Variants in PECR observed in about 807,000 individuals in gnomAD.
PECR encodes 2,4-dienoyl-CoA reductase-related protein.
In PECR, 30 loss-of-function variants were observed where a neutral mutation model predicts 35.3. The observed-to-expected ratio is 0.85, with a 90% CI of 0.64 to 1.15. The LOEUF (loss-of-function observed/expected upper bound fraction) is 1.15, where lower values mean the gene tolerates loss of function less well. Ranked by LOEUF, PECR falls within the 50% of genes most tolerant of loss-of-function variation. PECR has a pLI of 0.00. For missense variants in PECR, 392 were observed against 370.8 expected (o/e 1.06, Z -0.47); for synonymous variants, 148 against 138.9 (o/e 1.07, Z -0.46).
chr2:216,056,795 C>T (rs888545049), intron 4 of PECR, among the ~76,000 whole-genome samples: 3 of 150,710 alleles, frequency 2.0e-5, no homozygotes, highest in African/African-American at 7.3e-5. Flanking sequence ...GTTTGCTTCA[C>T]GAATTTTGTT....
At chr2:216,052,880 G>A (rs1695145069) in intron 4 of PECR, among the ~76,000 whole-genome samples, 1 of 152,098 alleles carries the variant, frequency 6.6e-6, no homozygotes, top group African/African-American at 2.4e-5. Context: ...TTCAGACAGA[G>A]TCTCGCTCTG....
At position 216,038,598 on chromosome 2, in the gene PECR, GTTGT is replaced by G. The variant is rs1031294481; in HGVS notation, c.*673_*676del. ...TTTCTACCTTTATAATTTTGTTGTT[GTTGT>G]TTGTTTTTGTTTTTTGGGTTTTTTT... is the stretch of plus-strand genomic sequence containing the variant. On this transcript the variant is annotated 3_prime_UTR_variant, in exon 8 of 8. Transcript: ENST00000265322. 6.6e-6 allele frequency: 1 copy of G among 151,854 alleles called. No homozygotes were observed. The highest frequency in any genetic ancestry group is 2.4e-5 in the African/African-American group (1 of 41,332). 9.4% of individuals were successfully genotyped at this position (151,854 alleles called of 1,614,324 possible).
chr2:216,070,348 A>G (rs887319459), intron 1 of PECR, among the ~76,000 whole-genome samples: 85 of 152,360 alleles, frequency 5.6e-4, no homozygotes, highest in African/African-American at 2.0e-3. Context: ...TTTGAAATAC[A>G]CAATGCATTA....
At chr2:216,050,398 A>C (rs1301119826) in intron 5 of PECR, among the ~76,000 whole-genome samples, 4 of 152,256 alleles carry the variant, frequency 2.6e-5, no homozygotes, top group African/African-American at 7.2e-5. Flanking sequence ...TTCCAATTAC[A>C]TAATATGTTG....
chr2:216,073,644 T>C (rs1187745779), intron 1 of PECR, among the ~76,000 whole-genome samples: 4 of 151,900 alleles, frequency 2.6e-5, no homozygotes, highest in African/African-American at 7.2e-5. Context: ...TATGTTTTTA[T>C]ATAATTTTAT....
At chr2:216,031,461 A>AAG (rs1553558722) in intron 7 of PECR, among the ~76,000 whole-genome samples, 1 of 132,010 alleles carries the variant, frequency 7.6e-6, no homozygotes, top group African/African-American at 2.9e-5. Context: ...GAAAGAGAGA[A>AAG]AGAAAGAAAG....
intron 6 of PECR, 120 bp from the exon 7 acceptor site, chr2:216,044,135 G>A (rs538519057): frequency 2.9e-6 from 2 of 685,292 alleles, no homozygotes; most frequent in South Asian, 1.5e-5. Context: ...CCAACAGTGT[G>A]TGCATGTGCA....
At position 216,065,952 on chromosome 2, in the gene PECR, C is replaced by T. The variant is rs182084357; in HGVS notation, c.258+433G>A. 8.5e-4 allele frequency among the ~76,000 whole-genome samples: 130 copies of T among 152,260 alleles called. 2 individuals are homozygous for T. The South Asian group carries it at 0.024, about 29-fold the overall frequency. ...CCAGCCTGGCCAACACGGTGAAACCCGTCTTTATGAAAAATACAAAAATTA... is the reference window on the plus strand; with the variant it reads ...CCAGCCTGGCCAACACGGTGAAACCTGTCTTTATGAAAAATACAAAAATTA... On this transcript the variant is annotated intron_variant, in intron 2 of 7. Coordinates refer to ENST00000265322, the MANE Select transcript of PECR (RefSeq NM_018441.6).
chr2:216,038,162 C>T (rs1388162686), downstream of PECR, among the ~76,000 whole-genome samples: 2 of 152,106 alleles, frequency 1.3e-5, no homozygotes, highest in Non-Finnish European at 2.9e-5. Context: ...ACCTCAGATA[C>T]TTGAAAGAAC....
chr2:216,054,410 A>T (rs1299418284), intron 4 of PECR, among the ~76,000 whole-genome samples: 4 of 123,146 alleles, frequency 3.2e-5, no homozygotes, highest in Non-Finnish European at 6.4e-5. Flanking sequence ...ACAGAGTCTC[A>T]CTCCAACCTC....
In PECR at chr2:216,051,481, A is replaced by G; in HGVS notation, c.571T>C (p.Cys191Arg). The change falls in exon 5 of 8, where the codon TGC becomes CGC. Residue 191 changes from cysteine (C) to arginine (R), a missense_variant. By Grantham distance (180) the Cys-to-Arg change is radical. Transcript: ENST00000265322. ...ACACAATTGATCCGTATTCCACTGC[A>G]GGCCCATTCCAAAGCTAAAGATTTG... ...LTKSLALEWA[C>R]SGIRINCVAP... The G allele has an allele frequency of 1.9e-6, 3 of 1,612,082 alleles. No homozygotes were observed. Among genetic ancestry groups the G allele is most frequent in the Non-Finnish European group, 2.5e-6 (3 of 1,178,102 alleles).
intron 7 of PECR, 93 bp downstream of exon 7, chr2:216,043,811 C>T (rs1694941493): frequency 4.2e-6 from 3 of 716,354 alleles, no homozygotes; most frequent in Non-Finnish European, 7.8e-6. Context: ...AAGAGAGCAC[C>T]CTCATCTCTT....
At chr2:216,046,289 C>CATATATATATATATAT (rs1307643558) in intron 6 of PECR, among the ~76,000 whole-genome samples, 1 of 107,996 alleles carries the variant, frequency 9.3e-6, no homozygotes, top group African/African-American at 3.9e-5. Context: ...TATATATATA[C>CATATATATATATATAT]ATACATATAT....
chr2:216,043,181 C>T (rs1169795015), intron 7 of PECR, among the ~76,000 whole-genome samples: 2 of 151,412 alleles, frequency 1.3e-5, no homozygotes, highest in East Asian at 3.9e-4. Flanking sequence ...AATCTCGGCT[C>T]ACTGCAACCT....
chr2:216,037,530 T>A (rs1455583985), downstream of PECR, among the ~76,000 whole-genome samples: 1 of 152,194 alleles, frequency 6.6e-6, no homozygotes, highest in African/African-American at 2.4e-5. Context: ...AAGGCCACTG[T>A]TAAAGGGCTA....
intron 6 of PECR, among the ~76,000 whole-genome samples, chr2:216,047,422 T>A (rs1695017320): frequency 6.6e-6 from 1 of 152,182 alleles, no homozygotes; most frequent in Non-Finnish European, 1.5e-5. Context: ...TCAATAAATC[T>A]GAAAGTTATT....
At chr2:216,029,945 G>A (rs758478630) in intron 7 of PECR, among the ~76,000 whole-genome samples, 4 of 152,196 alleles carry the variant, frequency 2.6e-5, no homozygotes, top group Admixed American at 1.3e-4. Context: ...CCTGTGGTCG[G>A]TGCACATGCT....
intron 3 of PECR, among the ~76,000 whole-genome samples, chr2:216,061,450 T>C (rs77495722): frequency 1.3e-5 from 2 of 151,984 alleles, no homozygotes; most frequent in East Asian, 3.8e-4. Context: ...AAAATGTATC[T>C]TTACAACAGA....
intron 6 of PECR, among the ~76,000 whole-genome samples, chr2:216,044,649 C>G (rs1052711151): frequency 1.3e-5 from 2 of 152,072 alleles, no homozygotes; most frequent in Admixed American, 1.3e-4. Context: ...TGAGCCAAGA[C>G]TGCACCACTA....
Sources: gnomAD v4.1 joint callset for allele counts (sites outside exome capture counted in the v4.1 genomes callset) on GRCh38, gnomAD v4.1.1 for gene constraint, MANE v1.5 for transcripts, NCBI Gene and HGNC (gene_info 2026-07-23, HGNC 2026-07-21) for gene names.